PRKG1: variants seen among roughly 807,000 people sequenced by gnomAD.
PRKG1 encodes protein kinase cGMP-dependent 1.
PRKG1 carries 35 observed loss-of-function variants against 88.1 expected under a neutral mutation model. The ratio of observed to expected loss-of-function variants is 0.40; its 90% CI spans 0.30 to 0.53. The LOEUF is 0.53. Ranked by LOEUF, PRKG1 falls within the 20% of genes least tolerant of loss-of-function variation. The pLI is 0.59. For missense variants in PRKG1, 540 were observed against 839.8 expected (o/e 0.64, Z 4.41); for synonymous variants, 303 against 292.5 (o/e 1.04, Z -0.37).
chr10:51,631,530 G>C lies in PRKG1; in HGVS notation c.592+163694G>C, dbSNP rs558567821. Among the ~76,000 whole-genome samples the C allele has an allele frequency of 4.6e-5, 7 of 152,284 alleles. No individual in the cohort carries two copies. The South Asian group carries it at 1.5e-3, about 32-fold the overall frequency. ...ACTTACCATTCACTGATAGGGTTTT[G>C]ATATGAGTCTACAAGCAGTTGATTT... On this transcript the variant is annotated intron_variant, in intron 3 of 17. Transcript: ENST00000373980.
chr10:51,105,584 T>G (rs1010736705), intron 1 of PRKG1, among the ~76,000 whole-genome samples: 8 of 152,238 alleles, frequency 5.3e-5, no homozygotes, highest in African/African-American at 1.7e-4. Flanking sequence ...TGTAATTATC[T>G]GCATCTTTGA....
chr10:50,994,397 T>A (rs1376496594), intron 1 of PRKG1, among the ~76,000 whole-genome samples: 1 of 145,700 alleles, frequency 6.9e-6, no homozygotes, highest in Non-Finnish European at 1.5e-5. Flanking sequence ...TCACCTCACC[T>A]GTAATTTTTT....
At chr10:51,317,278 A>G (rs926951689) in intron 2 of PRKG1, among the ~76,000 whole-genome samples, 5 of 152,320 alleles carry the variant, frequency 3.3e-5, no homozygotes, top group Admixed American at 2.6e-4. Context: ...TACAACCTAC[A>G]TACTATAGAT....
intron 1 of PRKG1, among the ~76,000 whole-genome samples, chr10:51,099,548 G>A (rs1844626587): frequency 6.6e-6 from 1 of 152,078 alleles, no homozygotes; most frequent in African/African-American, 2.4e-5. Flanking sequence ...GGGAAAATGT[G>A]TTCCTAACTT....
At chr10:52,089,804 CTTTTTTTT>C (rs397846439) in intron 7 of PRKG1, among the ~76,000 whole-genome samples, 13 of 67,722 alleles carry the variant, frequency 1.9e-4, no homozygotes, top group Admixed American at 4.9e-4. Flanking sequence ...TTCTTTCCTT[CTTTTTTTT>C]TTTTTTTTTT....
At chr10:51,276,682 C>T (rs141374928) in intron 2 of PRKG1, among the ~76,000 whole-genome samples, 32,539 of 151,876 alleles carry the variant, frequency 0.21, 4,639 homozygotes, top group African/African-American at 0.41. Context: ...TGGTATCTCA[C>T]TGTGGTTTTG....
intron 2 of PRKG1, among the ~76,000 whole-genome samples, chr10:51,360,505 T>C (rs920457703): frequency 6.6e-6 from 1 of 151,892 alleles, no homozygotes; most frequent in South Asian, 2.1e-4. Flanking sequence ...GACAAATAAT[T>C]TAAATGTTCT....
At position 52,025,339 on chromosome 10, in the gene PRKG1, C is replaced by T. The variant is rs555673292; in HGVS notation, c.763-29145C>T. On this transcript the variant is annotated intron_variant, in intron 5 of 17. Coordinates refer to ENST00000373980, the MANE Select transcript of PRKG1 (RefSeq NM_006258.4). ...GAAGCTCTTTAGTTTAATTAGATCCCATTTGTCAATTGTGGCTTTTGTTTT... is the reference window on the plus strand; with the variant it reads ...GAAGCTCTTTAGTTTAATTAGATCCTATTTGTCAATTGTGGCTTTTGTTTT... 2.0e-5 allele frequency among the ~76,000 whole-genome samples: 3 copies of T among 152,316 alleles called. No homozygotes were observed. In the East Asian group the frequency reaches 5.8e-4, roughly 29 times the overall value.
At chr10:52,078,801 G>A (rs1846696143) in intron 7 of PRKG1, among the ~76,000 whole-genome samples, 1 of 152,194 alleles carries the variant, frequency 6.6e-6, no homozygotes, top group South Asian at 2.1e-4. Context: ...GAAAAGTGCT[G>A]CTTAACCAAA....
At chr10:51,238,747 G>A (rs1304718086) in intron 2 of PRKG1, among the ~76,000 whole-genome samples, 1 of 150,524 alleles carries the variant, frequency 6.6e-6, no homozygotes, top group Non-Finnish European at 1.5e-5. Context: ...GGAGACAGAG[G>A]GAGACTCTAT....
At chr10:51,996,757 A>T (rs1359397935) in intron 5 of PRKG1, among the ~76,000 whole-genome samples, 1 of 152,218 alleles carries the variant, frequency 6.6e-6, no homozygotes, top group South Asian at 2.1e-4. Flanking sequence ...TGGAACCCCC[A>T]TATAATATAA....
At chr10:51,314,405 C>T (rs1037631717) in intron 2 of PRKG1, among the ~76,000 whole-genome samples, 2 of 152,138 alleles carry the variant, frequency 1.3e-5, no homozygotes, top group Admixed American at 6.5e-5. Flanking sequence ...TGCATGTGAA[C>T]ACAGTTTGTA....
rs561296280 is a variant in PRKG1, at chr10:51,230,786, G to GA, written c.478+77467dup. 4.8e-3 allele frequency among the ~76,000 whole-genome samples: 671 copies of GA among 139,914 alleles called. 4 individuals are homozygous for GA. The highest frequency in any genetic ancestry group is 0.015 in the African/African-American group (604 of 38,984). The allele number at this position is 139,914 out of a possible 152,430, so 91.8% of individuals were successfully genotyped here. On this transcript the variant is annotated intron_variant, in intron 2 of 17. Coordinates refer to ENST00000373980, the MANE Select transcript of PRKG1 (RefSeq NM_006258.4). ...TGTATTGCTTAGGAAATAGTGACTA[G>GA]AAAAAAAAAAAGCCTGCACATGTTC...
intron 9 of PRKG1, among the ~76,000 whole-genome samples, chr10:52,206,615 C>A (rs1417628150): frequency 6.6e-6 from 1 of 152,124 alleles, no homozygotes; most frequent in Non-Finnish European, 1.5e-5. Flanking sequence ...GCCCTCAAAC[C>A]CTGGCATTTA....
chr10:52,042,264 C>A (rs1845770566), intron 5 of PRKG1, among the ~76,000 whole-genome samples: 1 of 152,024 alleles, frequency 6.6e-6, no homozygotes, highest in Non-Finnish European at 1.5e-5. Flanking sequence ...CCCTGAATAG[C>A]CAAAGCAATC....
At chr10:52,119,451 G>A (rs1847764804) in intron 7 of PRKG1, among the ~76,000 whole-genome samples, 1 of 152,142 alleles carries the variant, frequency 6.6e-6, no homozygotes, top group Non-Finnish European at 1.5e-5. Context: ...CAGTTTTGAG[G>A]TATTTTAGGT....
chr10:51,586,040 G>A (rs2132197005), intron 3 of PRKG1, among the ~76,000 whole-genome samples: 1 of 152,178 alleles, frequency 6.6e-6, no homozygotes, highest in East Asian at 1.9e-4. Context: ...CTCACTAGCT[G>A]GGTGACAGGA....
At chr10:51,016,673 C>CTGTTTTTTTTTTTTTTT (rs1843066729) in intron 1 of PRKG1, among the ~76,000 whole-genome samples, 1 of 35,184 alleles carries the variant, frequency 2.8e-5, no homozygotes, top group Non-Finnish European at 4.8e-5. Flanking sequence ...ATTATCCTTT[C>CTGTTTTTTTTTTTTTTT]TTTTTTTTTT....
At chr10:51,369,661 T>A (rs1367513198) in intron 2 of PRKG1, among the ~76,000 whole-genome samples, 3 of 152,116 alleles carry the variant, frequency 2.0e-5, no homozygotes. Flanking sequence ...GGCAGTCCAG[T>A]GCTGTTTGCT....
Sources: gnomAD v4.1 joint callset for allele counts (sites outside exome capture counted in the v4.1 genomes callset) on GRCh38, gnomAD v4.1.1 for gene constraint, MANE v1.5 for transcripts, NCBI Gene and HGNC (gene_info 2026-07-23, HGNC 2026-07-21) for gene names.